The following KAZN variants were observed in gnomAD, a reference collection of about 807,000 sequenced individuals.
The protein encoded by KAZN is kazrin.
A neutral mutation model predicts 87.4 loss-of-function variants in KAZN; 40 were observed. The ratio of observed to expected loss-of-function variants is 0.46; its 90% CI spans 0.36 to 0.60. KAZN has a LOEUF of 0.60. Ranked by LOEUF, KAZN falls within the 20% of genes least tolerant of loss-of-function variation. The probability of loss-of-function intolerance (pLI) is 0.00; values close to 1 mark genes in which losing one functional copy is unlikely to be tolerated. For missense variants in KAZN, 898 were observed against 1,073.9 expected (o/e 0.84, Z 2.29); for synonymous variants, 466 against 458.3 (o/e 1.02, Z -0.22).
intron 2 of KAZN, among the ~76,000 whole-genome samples, chr1:14,422,060 G>A (rs1029427284): frequency 2.0e-5 from 3 of 152,242 alleles, no homozygotes; most frequent in Non-Finnish European, 2.9e-5. Flanking sequence ...TATTCCTGAT[G>A]CACATTGGTG....
intron 2 of KAZN, among the ~76,000 whole-genome samples, chr1:14,259,427 A>G (rs1167403405): frequency 6.6e-6 from 1 of 152,038 alleles, no homozygotes; most frequent in East Asian, 1.9e-4. Flanking sequence ...TGATGTACCC[A>G]GGCGCTCCAA....
At position 13,929,033 on chromosome 1, in the gene KAZN, G is replaced by C. The variant is rs182864450; in HGVS notation, c.91+35277G>C. Among the ~76,000 whole-genome samples the C allele has an allele frequency of 2.2e-5, 3 of 137,624 alleles. No individual in the cohort carries two copies. The Admixed American group carries it at 2.2e-4, about 10-fold the overall frequency. The allele number at this position is 137,624 out of a possible 152,430, so 90.3% of individuals were successfully genotyped here. A position where few individuals can be genotyped will look rare whatever the true frequency, so the allele number is the denominator to read the frequency against. On this transcript the variant is annotated intron_variant, in intron 1 of 16. Coordinates refer to the KAZN transcript ENST00000636203. Reference sequence around the variant, plus strand: ...TGGGCCAGCTGAGGGCCAAGGTCTAGTTCAGCTTCAAGGCTTTTTTTTTTT... The same window carrying C: ...TGGGCCAGCTGAGGGCCAAGGTCTACTTCAGCTTCAAGGCTTTTTTTTTTT...
chr1:14,260,807 T>C (rs558320530), intron 2 of KAZN, among the ~76,000 whole-genome samples: 18 of 152,334 alleles, frequency 1.2e-4, no homozygotes, highest in African/African-American at 4.3e-4. Context: ...GTACTGTTAC[T>C]GCCCCATTTT....
intron 1 of KAZN, among the ~76,000 whole-genome samples, chr1:14,089,296 T>C (rs1445684745): frequency 6.6e-6 from 1 of 152,120 alleles, no homozygotes; most frequent in Non-Finnish European, 1.5e-5. Flanking sequence ...TTACTGTAAG[T>C]ACTGATATGG....
intron 2 of KAZN, among the ~76,000 whole-genome samples, chr1:14,558,331 C>A (rs1674037826): frequency 6.6e-6 from 1 of 152,128 alleles, no homozygotes. Context: ...CTGCAAGTAC[C>A]AATACTGTGT....
intron 1 of KAZN, among the ~76,000 whole-genome samples, chr1:13,900,942 A>T (rs1639223631): frequency 6.6e-6 from 1 of 152,186 alleles, no homozygotes; most frequent in Admixed American, 6.5e-5. Context: ...ATTTTGTTTA[A>T]TGAGAGGAAG....
chr1:14,535,362 A>T (rs2148487007), intron 2 of KAZN, among the ~76,000 whole-genome samples: 1 of 152,354 alleles, frequency 6.6e-6, no homozygotes, highest in South Asian at 2.1e-4. Flanking sequence ...AGTTATCATA[A>T]TGCAAAGAAA....
chr1:14,615,144 GTCAGCTAACATTCATGAAGCAC>G (rs1678130055), intron 1 of KAZN, among the ~76,000 whole-genome samples: 1 of 152,208 alleles, frequency 6.6e-6, no homozygotes, highest in African/African-American at 2.4e-5. Flanking sequence ...TGGTTTCTTT[GTCAGCTAACATTCATGAAGCAC>G]TCTATGATTG....
chr1:14,407,990 A>G (rs1474929643), intron 2 of KAZN, among the ~76,000 whole-genome samples: 1 of 152,184 alleles, frequency 6.6e-6, no homozygotes, highest in Admixed American at 6.5e-5. Flanking sequence ...AATTTATCAC[A>G]TCCATGGGGA....
At chr1:14,396,471 C>A (rs902914053) in intron 2 of KAZN, among the ~76,000 whole-genome samples, 2 of 152,206 alleles carry the variant, frequency 1.3e-5, no homozygotes, top group Non-Finnish European at 2.9e-5. Context: ...AACTCCTTTT[C>A]TAACTTGTGA....
At chr1:14,887,323 G>T (rs115849630) in intron 1 of KAZN, among the ~76,000 whole-genome samples, 1 of 152,240 alleles carries the variant, frequency 6.6e-6, no homozygotes, top group Non-Finnish European at 1.5e-5. Flanking sequence ...TAGCATTGCC[G>T]TGAAGAACTT....
At position 14,671,529 on chromosome 1, in the gene KAZN, C is replaced by G. The variant is rs79529627; in HGVS notation, c.226+72306C>G. Reference sequence around the variant, plus strand: ...TTGCACCAGCTCCCTAGGCACAAACCCTTGATCTGTTCTTCGTCAAGGCTA... The same window carrying G: ...TTGCACCAGCTCCCTAGGCACAAACGCTTGATCTGTTCTTCGTCAAGGCTA... On this transcript the variant is annotated intron_variant, in intron 1 of 14. Transcript: ENST00000376030. Among the ~76,000 whole-genome samples, 577 of 152,286 alleles carry G rather than the reference C, an allele frequency of 3.8e-3. 1 individual carries two copies. The highest frequency in any genetic ancestry group is 6.1e-3 in the Non-Finnish European group (415 of 68,024).
intron 1 of KAZN, among the ~76,000 whole-genome samples, chr1:14,086,673 T>A (rs2101606173): frequency 6.6e-6 from 1 of 152,354 alleles, no homozygotes; most frequent in East Asian, 1.9e-4. Flanking sequence ...TCTCCTATTT[T>A]TTTCTAGAAG....
intron 2 of KAZN, among the ~76,000 whole-genome samples, chr1:14,466,225 CTCACTCTACACTG>C (rs1668118597): frequency 6.6e-6 from 1 of 152,138 alleles, no homozygotes; most frequent in African/African-American, 2.4e-5. Flanking sequence ...GAAGAGAGAG[CTCACTCTACACTG>C]TGCCCACTGC....
intron 2 of KAZN, among the ~76,000 whole-genome samples, chr1:14,461,822 A>G: frequency 6.6e-6 from 1 of 152,088 alleles, no homozygotes; most frequent in East Asian, 1.9e-4. Flanking sequence ...AGGGGTTAAA[A>G]TAAATTAAGA....
At chr1:14,344,163 C>T (rs370116144) in intron 2 of KAZN, among the ~76,000 whole-genome samples, 38 of 122,590 alleles carry the variant, frequency 3.1e-4, no homozygotes, top group African/African-American at 6.7e-4. Flanking sequence ...TTCATGTATT[C>T]TTTTTTTTTT....
At chr1:15,070,185 G>A (rs1196607193) in intron 8 of KAZN, among the ~76,000 whole-genome samples, 1 of 152,184 alleles carries the variant, frequency 6.6e-6, no homozygotes, top group Admixed American at 6.5e-5. Flanking sequence ...CTCCCAGGGG[G>A]GCATCTTCAG....
chr1:14,173,383 T>C (rs575077100), intron 1 of KAZN, among the ~76,000 whole-genome samples: 94 of 152,180 alleles, frequency 6.2e-4, no homozygotes, highest in Non-Finnish European at 1.1e-3. Context: ...CAAGGACCAC[T>C]TTCCCTGTCT....
Position 14,387,595 on chromosome 1 carries a change from G to A in KAZN, c.249+207003G>A, listed in dbSNP as rs1296340952. 5.3e-5 allele frequency among the ~76,000 whole-genome samples: 8 copies of A among 152,298 alleles called. 1 individual carries two copies. The highest frequency in any genetic ancestry group is 1.9e-4 in the African/African-American group (8 of 41,568). On this transcript the variant is annotated intron_variant, in intron 2 of 16. Transcript: ENST00000636203. ...CCATGTGAGATGTCAGTCTGCCCCTGCTTGGGGGGTGCCTCCCAGTTAGGC... is the reference window on the plus strand; with the variant it reads ...CCATGTGAGATGTCAGTCTGCCCCTACTTGGGGGGTGCCTCCCAGTTAGGC...
Sources: allele counts gnomAD v4.1 joint callset (sites outside exome capture counted in the v4.1 genomes callset), GRCh38; gene constraint gnomAD v4.1.1; transcripts MANE v1.5; gene names NCBI Gene and HGNC (gene_info 2026-07-23, HGNC 2026-07-21).